The following RNF121 variants were observed in gnomAD, a reference collection of about 807,000 sequenced individuals.
RNF121 encodes the protein E3 ubiquitin ligase RNF121.
Under a neutral mutation model 46.5 loss-of-function variants are expected in RNF121, and 21 were observed. The observed-to-expected ratio is 0.45, with a 90% confidence interval of 0.32 to 0.65. The LOEUF is 0.65. Ranked by LOEUF, RNF121 falls within the 30% of genes least tolerant of loss-of-function variation. The pLI is 0.04. For synonymous variants in RNF121, 139 were observed against 144.7 expected, an observed-to-expected ratio of 0.96 and a Z score of 0.28; for missense variants, 346 against 416.0, an observed-to-expected ratio of 0.83 and a Z score of 1.46.
intron 1 of RNF121, among the ~76,000 whole-genome samples, chr11:71,947,108 G>A (rs552846302): frequency 5.3e-5 from 8 of 152,002 alleles, no homozygotes; most frequent in Admixed American, 2.0e-4. Flanking sequence ...CAGATGACCC[G>A]CCTGCCTGGC....
In RNF121 at chr11:71,987,031, C is replaced by A. The variant is rs764042875; in HGVS notation, c.426C>A (p.Ile142=). The A allele has an allele frequency of 6.2e-7, 1 of 1,613,398 alleles. No individual in the cohort carries two copies. The highest frequency in any genetic ancestry group is 8.5e-7 in the Non-Finnish European group (1 of 1,179,400). The change falls in exon 5 of 9, where the codon ATC becomes ATA. Residue 142 remains isoleucine (I), a synonymous_variant. Coordinates refer to ENST00000361756, the MANE Select transcript of RNF121 (RefSeq NM_018320.5). ...PRLVYKWFLL[I]YKISYATGIV... ...TGGTTTATAAGTGGTTCCTGCTAAT[C>A]TATAAAATCAGCTATGCCACTGGCA...
At chr11:71,967,103 C>G (rs929080896) in intron 3 of RNF121, among the ~76,000 whole-genome samples, 11 of 147,526 alleles carry the variant, frequency 7.5e-5, no homozygotes, top group Admixed American at 7.4e-4. Context: ...GATCTCCTGA[C>G]CTCATGATCC....
Position 71,929,073 on chromosome 11 carries a change from G to T in RNF121, c.12G>T (p.Val4=), listed in dbSNP as rs1475054699. 3 of 1,551,440 alleles carry T rather than the reference G, an allele frequency of 1.9e-6. No homozygotes were observed. The highest frequency in any genetic ancestry group is 2.6e-6 in the Non-Finnish European group (3 of 1,147,042). MAA[V]VEVEVGGGAA... ...GGCGAGCCGTGAAGATGGCGGCAGT[G>T]GTGGAGGTGGAGGTTGGAGGTGGTG... The change falls in exon 1 of 9, where the codon GTG becomes GTT. Residue 4 remains valine (V), a synonymous_variant. Transcript: ENST00000361756.
chr11:71,980,063 C>T (rs1434339489), intron 3 of RNF121, among the ~76,000 whole-genome samples: 4 of 152,116 alleles, frequency 2.6e-5, no homozygotes, highest in Non-Finnish European at 5.9e-5. Context: ...CTAGTGTCTC[C>T]TAGAAAATGA....
At chr11:71,950,687 C>G (rs764675182) in intron 1 of RNF121, among the ~76,000 whole-genome samples, 1 of 151,854 alleles carries the variant, frequency 6.6e-6, no homozygotes, top group African/African-American at 2.4e-5. Flanking sequence ...GAGTCTTGCT[C>G]TGTCTCCCAG....
chr11:71,949,765 G>A (rs892270703), intron 1 of RNF121, among the ~76,000 whole-genome samples: 1 of 151,796 alleles, frequency 6.6e-6, no homozygotes, highest in African/African-American at 2.4e-5. Flanking sequence ...GGGAGGCTGA[G>A]GTGGGTGGAT....
chr11:71,939,992 A>C (rs920712962), intron 1 of RNF121, among the ~76,000 whole-genome samples: 1 of 152,228 alleles, frequency 6.6e-6, no homozygotes, highest in Admixed American at 6.5e-5. Flanking sequence ...GCTTAAGTCT[A>C]TTTGGGAGCA....
At chr11:71,982,937 A>G (rs1954693565) in intron 4 of RNF121, 22 bp downstream of exon 4, 2 of 1,579,716 alleles carry the variant, frequency 1.3e-6, no homozygotes, top group Admixed American at 1.9e-5. Flanking sequence ...AGTAGTGGGA[A>G]GAGCCCAGGT....
Position 71,970,318 on chromosome 11 carries a change from G to A in RNF121, c.243+9427G>A, listed in dbSNP as rs138320257. On this transcript the variant is annotated intron_variant, in intron 3 of 8. Transcript: ENST00000361756. ...TAGTAATACATAACAGTATTGAACT[G>A]TATACTCAAAGATGAATAAAATGGA... Among the ~76,000 whole-genome samples the A allele has an allele frequency of 8.0e-4, 122 of 152,258 alleles. 1 individual carries two copies. The highest frequency in any genetic ancestry group is 1.5e-3 in the Non-Finnish European group (103 of 68,012).
intron 1 of RNF121, among the ~76,000 whole-genome samples, chr11:71,936,036 A>G (rs1224231485): frequency 2.6e-5 from 4 of 150,992 alleles, no homozygotes; most frequent in Admixed American, 6.6e-5. Flanking sequence ...TTTAGTAGAG[A>G]CAGGGTTTCA....
At chr11:71,941,230 A>T (rs1372929275) in intron 1 of RNF121, among the ~76,000 whole-genome samples, 1 of 152,240 alleles carries the variant, frequency 6.6e-6, no homozygotes, top group African/African-American at 2.4e-5. Flanking sequence ...TAGGAGCGAG[A>T]TGATGCGGAC....
At chr11:71,978,326 A>G (rs1234547202) in intron 3 of RNF121, 4 of 243,444 alleles carry the variant, frequency 1.6e-5, no homozygotes, top group Non-Finnish European at 3.4e-5. Context: ...TTCCACCAGC[A>G]GCTGCTTTCT....
chr11:71,933,289 T>A (rs928054255), intron 1 of RNF121, among the ~76,000 whole-genome samples: 1 of 152,194 alleles, frequency 6.6e-6, no homozygotes, highest in Non-Finnish European at 1.5e-5. Flanking sequence ...CAAGTCCTAT[T>A]TATCTGCCAA....
chr11:71,965,225 C>T (rs1954247172), intron 3 of RNF121, among the ~76,000 whole-genome samples: 1 of 151,244 alleles, frequency 6.6e-6, no homozygotes, highest in South Asian at 2.1e-4. Context: ...GTGGGTATAT[C>T]ATCCTCTTAA....
chr11:71,960,885 C>T lies in RNF121; in HGVS notation c.237C>T (p.Ser79=), dbSNP rs761501559. 1 of 1,613,856 alleles carries T rather than the reference C, an allele frequency of 6.2e-7. No homozygotes were observed. Among genetic ancestry groups the T allele is most frequent in the Non-Finnish European group, 8.5e-7 (1 of 1,179,896 alleles). ...AGTGGAAGCAGAGGCACCCACGCTC[C>T]TACAATGTAAGCCACTTTGCCTCTT... The part of the protein sequence containing the change: ...LVQWKQRHPR[S]YNMVTLFQMW... Residue 79 remains serine (S), a synonymous_variant, in exon 3 of 9, where the codon TCC becomes TCT. Transcript: ENST00000361756.
At chr11:71,987,553 G>A (rs1473586572) in intron 5 of RNF121, among the ~76,000 whole-genome samples, 1 of 152,140 alleles carries the variant, frequency 6.6e-6, no homozygotes, top group African/African-American at 2.4e-5. Context: ...CCCACAACCT[G>A]TTATTATAAA....
At chr11:71,978,434 T>G (rs948863574) in intron 3 of RNF121, among the ~76,000 whole-genome samples, 2 of 152,164 alleles carry the variant, frequency 1.3e-5, no homozygotes, top group African/African-American at 4.8e-5. Flanking sequence ...TGATAATTTA[T>G]TTTTCCTAGA....
At chr11:71,964,953 G>A (rs573727977) in intron 3 of RNF121, among the ~76,000 whole-genome samples, 138 of 152,260 alleles carry the variant, frequency 9.1e-4, no homozygotes, top group African/African-American at 2.9e-3. Context: ...GTTCTTAGAG[G>A]ATGAAGCAGA....
intron 1 of RNF121, among the ~76,000 whole-genome samples, chr11:71,941,996 G>C (rs1035983576): frequency 1.3e-5 from 2 of 149,070 alleles, no homozygotes; most frequent in African/African-American, 5.0e-5. Context: ...GCAGTAGCGC[G>C]ATCTTGGCTC....
Sources: allele counts gnomAD v4.1 joint callset (sites outside exome capture counted in the v4.1 genomes callset), GRCh38; gene constraint gnomAD v4.1.1; transcripts MANE v1.5; gene names NCBI Gene and HGNC (gene_info 2026-07-23, HGNC 2026-07-21).